Variants in SCN10A observed in about 807,000 individuals in gnomAD.
SCN10A encodes sodium voltage-gated channel alpha subunit 10.
A neutral mutation model predicts 170.7 loss-of-function variants in SCN10A; 162 were observed. That is an observed-to-expected ratio of 0.95 (90% CI 0.84 to 1.08). The LOEUF is 1.08. Ranked by LOEUF, SCN10A falls within the 50% of genes least tolerant of loss-of-function variation. The pLI is 0.00. For missense variants in SCN10A, 2,527 were observed against 2,436.9 expected, an observed-to-expected ratio of 1.04 and a Z score of -0.78; for synonymous variants, 985 against 904.6, an observed-to-expected ratio of 1.09 and a Z score of -1.59.
At chr3:38,704,409 G>A (rs560778802) in intron 26 of SCN10A, among the ~76,000 whole-genome samples, 1 of 152,204 alleles carries the variant, frequency 6.6e-6, no homozygotes, top group Non-Finnish European at 1.5e-5. Flanking sequence ...GCAGGCAACG[G>A]CATCGTTAAG....
chr3:38,740,375 A>G (rs544349356), intron 14 of SCN10A, among the ~76,000 whole-genome samples: 8 of 152,370 alleles, frequency 5.3e-5, no homozygotes, highest in Admixed American at 2.0e-4. Context: ...GAGGAAAGCA[A>G]CGACCAGGGT....
At chr3:38,761,815 AGTGT>A (rs10637333) in intron 6 of SCN10A, among the ~76,000 whole-genome samples, 9 of 142,116 alleles carry the variant, frequency 6.3e-5, no homozygotes, top group African/African-American at 1.6e-4. Context: ...ACTGTGTGTG[AGTGT>A]GTGTGTGTGT....
intron 14 of SCN10A, 44 bp from the exon 15 acceptor site, chr3:38,739,732 T>C (rs914896823): frequency 1.4e-6 from 2 of 1,468,666 alleles, no homozygotes; most frequent in Non-Finnish European, 1.9e-6. Context: ...ATCTGTGGGG[T>C]CGGAGGCAAT....
intron 4 of SCN10A, among the ~76,000 whole-genome samples, chr3:38,772,743 A>AAAAAAAAAAC (rs1559457378): frequency 6.7e-6 from 1 of 149,870 alleles, no homozygotes. Flanking sequence ...AAACAAAAAA[A>AAAAAAAAAAC]AAAAAACCTG....
intron 1 of SCN10A, among the ~76,000 whole-genome samples, chr3:38,802,598 G>A (rs1411821365): frequency 6.6e-6 from 1 of 152,152 alleles, no homozygotes; most frequent in Non-Finnish European, 1.5e-5. Context: ...CTAGCCATAT[G>A]TAGAAAGCTG....
chr3:38,797,911 C>T (rs2064349544), intron 1 of SCN10A, among the ~76,000 whole-genome samples: 3 of 152,138 alleles, frequency 2.0e-5, no homozygotes, highest in Admixed American at 2.0e-4. Context: ...CAGCTAAGGA[C>T]AAAATTGTTT....
intron 1 of SCN10A, among the ~76,000 whole-genome samples, chr3:38,803,940 A>G (rs1237461103): frequency 6.6e-6 from 1 of 152,072 alleles, no homozygotes; most frequent in Non-Finnish European, 1.5e-5. Flanking sequence ...AGCCACTATC[A>G]CCCACTTCCA....
intron 13 of SCN10A, among the ~76,000 whole-genome samples, chr3:38,744,297 T>A (rs2063663949): frequency 6.6e-6 from 1 of 152,174 alleles, no homozygotes; most frequent in Non-Finnish European, 1.5e-5. Context: ...TGTCATTGCA[T>A]ACACACTTGC....
At chr3:38,811,184 G>A (rs1203944627) in intron 1 of SCN10A, among the ~76,000 whole-genome samples, 3 of 152,148 alleles carry the variant, frequency 2.0e-5, no homozygotes, top group African/African-American at 7.2e-5. Flanking sequence ...CAGGCACGGT[G>A]GCTCACGCCT....
chr3:38,813,281 T>C (rs2126067363), intron 1 of SCN10A, among the ~76,000 whole-genome samples: 1 of 152,316 alleles, frequency 6.6e-6, no homozygotes, highest in Middle Eastern at 3.4e-3. Context: ...ATGAACAAAG[T>C]GTCTCCAATA....
At chr3:38,712,085 T>A (rs1449006288) in intron 23 of SCN10A, 76 bp downstream of exon 23, 13 of 1,453,526 alleles carry the variant, frequency 8.9e-6, no homozygotes, top group Middle Eastern at 3.5e-4. Context: ...CCACATAGCA[T>A]CTTCTGGGAA....
intron 8 of SCN10A, among the ~76,000 whole-genome samples, chr3:38,757,728 T>C (rs183569836): frequency 7.2e-4 from 110 of 152,272 alleles, no homozygotes; most frequent in African/African-American, 2.4e-3. Context: ...ACTACGCAGG[T>C]GTCAATATAT....
chr3:38,809,425 C>T (rs776840355), intron 1 of SCN10A, among the ~76,000 whole-genome samples: 4 of 152,186 alleles, frequency 2.6e-5, no homozygotes, highest in South Asian at 4.1e-4. Context: ...GAAGTGCCAG[C>T]GGAGCTGCAG....
intron 17 of SCN10A, among the ~76,000 whole-genome samples, chr3:38,725,903 G>C (rs1409960043): frequency 6.6e-6 from 1 of 152,184 alleles, no homozygotes; most frequent in African/African-American, 2.4e-5. Flanking sequence ...AGGGAAGAAG[G>C]CTATGGGAGA....
intron 10 of SCN10A, among the ~76,000 whole-genome samples, chr3:38,756,399 T>C (rs78268156): frequency 0.014 from 2,185 of 152,262 alleles, 68 homozygotes; most frequent in East Asian, 0.089. Flanking sequence ...AGCTGGTCTC[T>C]AGCTGAGAAC....
intron 7 of SCN10A, 37 bp downstream of exon 7, chr3:38,761,155 A>G (rs2063865352): frequency 6.7e-7 from 1 of 1,484,164 alleles, no homozygotes; most frequent in African/African-American, 1.4e-5. Flanking sequence ...CAAGGGTCCA[A>G]CCAGACCTTG....
intron 4 of SCN10A, among the ~76,000 whole-genome samples, chr3:38,773,978 G>T (rs2064040521): frequency 6.6e-6 from 1 of 152,132 alleles, no homozygotes; most frequent in Non-Finnish European, 1.5e-5. Flanking sequence ...GTGGCCTCTG[G>T]AAAGAAGAGA....
chr3:38,776,772 A>C (rs2064080462), intron 4 of SCN10A, among the ~76,000 whole-genome samples: 1 of 152,022 alleles, frequency 6.6e-6, no homozygotes, highest in Non-Finnish European at 1.5e-5. Flanking sequence ...GAACATCCCA[A>C]AGGGACAGTT....
intron 5 of SCN10A, among the ~76,000 whole-genome samples, chr3:38,767,846 C>T (rs2063950759): frequency 1.3e-5 from 2 of 151,946 alleles, no homozygotes; most frequent in South Asian, 2.1e-4. Flanking sequence ...ATATTGATCC[C>T]CCACTATTAT....
Sources: gnomAD v4.1 joint callset for allele counts (sites outside exome capture counted in the v4.1 genomes callset) on GRCh38, gnomAD v4.1.1 for gene constraint, MANE v1.5 for transcripts, NCBI Gene and HGNC (gene_info 2026-07-23, HGNC 2026-07-21) for gene names.